FAM13B: variants seen among roughly 807,000 people sequenced by gnomAD.
The protein encoded by FAM13B is protein FAM13B.
In FAM13B, 60 loss-of-function variants were observed where a neutral mutation model predicts 117.3. The observed-to-expected ratio is 0.51, with a 90% CI of 0.42 to 0.63. The LOEUF (loss-of-function observed/expected upper bound fraction) is 0.63, where lower values mean the gene tolerates loss of function less well. FAM13B is among the 30% of genes least tolerant of loss of function. FAM13B has a pLI of 0.00. For missense variants in FAM13B, 972 were observed against 1,091.9 expected, an observed-to-expected ratio of 0.89 and a Z score of 1.55; for synonymous variants, 332 against 356.1, an observed-to-expected ratio of 0.93 and a Z score of 0.76.
intron 1 of FAM13B, among the ~76,000 whole-genome samples, chr5:138,025,307 A>C (rs201504770): frequency 1.2e-4 from 3 of 25,296 alleles, no homozygotes; most frequent in Non-Finnish European, 3.1e-4. Context: ...ATATATATAT[A>C]TATGTATTTT....
upstream of FAM13B, among the ~76,000 whole-genome samples, chr5:138,034,833 T>C (rs951479702): frequency 2.0e-5 from 3 of 151,884 alleles, no homozygotes; most frequent in Admixed American, 2.0e-4. Context: ...TTATCATAAG[T>C]GCGTAAAAGT....
intron 1 of FAM13B, among the ~76,000 whole-genome samples, chr5:138,043,113 A>G (rs1791544703): frequency 6.6e-6 from 1 of 152,100 alleles, no homozygotes; most frequent in African/African-American, 2.4e-5. Flanking sequence ...AACAACAACA[A>G]AAGAAGAAAT....
At chr5:137,988,225 T>C (rs2150601800) in intron 8 of FAM13B, 49 bp downstream of exon 8, 1 of 1,320,954 alleles carries the variant, frequency 7.6e-7, no homozygotes. Context: ...TACAGCTTAG[T>C]AGTATTTTAA....
chr5:138,007,806 G>A (rs1053101427), intron 6 of FAM13B, among the ~76,000 whole-genome samples: 4 of 152,164 alleles, frequency 2.6e-5, no homozygotes, highest in Non-Finnish European at 4.4e-5. Context: ...AAAAGATACT[G>A]AAATATTAGA....
At chr5:137,973,591 A>C (rs1268708390) in intron 10 of FAM13B, among the ~76,000 whole-genome samples, 1 of 152,254 alleles carries the variant, frequency 6.6e-6, no homozygotes, top group East Asian at 1.9e-4. Flanking sequence ...ACGGCAACAA[A>C]AGCCAAAATT....
At chr5:138,040,296 A>T (rs1160823814) in intron 1 of FAM13B, among the ~76,000 whole-genome samples, 1 of 140,250 alleles carries the variant, frequency 7.1e-6, no homozygotes, top group Non-Finnish European at 1.5e-5. Flanking sequence ...AAGGCCGGGC[A>T]CGGTGGCTCA....
chr5:137,964,980 A>G (rs1769251079), intron 10 of FAM13B, among the ~76,000 whole-genome samples: 1 of 152,054 alleles, frequency 6.6e-6, no homozygotes, highest in African/African-American at 2.4e-5. Context: ...CAGCCTGGCC[A>G]ACATGGTGAA....
intron 10 of FAM13B, among the ~76,000 whole-genome samples, chr5:137,975,089 G>T (rs1773526902): frequency 6.6e-6 from 1 of 152,106 alleles, no homozygotes; most frequent in Admixed American, 6.6e-5. Flanking sequence ...AATATTTACT[G>T]TGTAGACCTT....
chr5:137,987,025 C>G (rs1777407460), intron 9 of FAM13B, among the ~76,000 whole-genome samples: 1 of 152,120 alleles, frequency 6.6e-6, no homozygotes, highest in Non-Finnish European at 1.5e-5. Flanking sequence ...GAAGGGATAA[C>G]TATTTAAATA....
intron 23 of FAM13B, among the ~76,000 whole-genome samples, chr5:137,941,249 G>A (rs1170264412): frequency 1.3e-5 from 2 of 151,994 alleles, no homozygotes; most frequent in African/African-American, 4.8e-5. Context: ...AACCTATATA[G>A]GAGACTCACA....
At chr5:137,944,777 AAC>A (rs1561728594) in intron 20 of FAM13B, among the ~76,000 whole-genome samples, 3 of 150,772 alleles carry the variant, frequency 2.0e-5, no homozygotes, top group East Asian at 1.9e-4. Context: ...AAAAAAAAAA[AAC>A]AAAATCATGT....
At chr5:137,985,976 C>T (rs905820130) in intron 9 of FAM13B, among the ~76,000 whole-genome samples, 1 of 152,218 alleles carries the variant, frequency 6.6e-6, no homozygotes, top group African/African-American at 2.4e-5. Context: ...AATCTGCTTA[C>T]ATCCTTTGAA....
intron 10 of FAM13B, among the ~76,000 whole-genome samples, chr5:137,971,882 AAC>A (rs1401789373): frequency 6.6e-6 from 1 of 152,208 alleles, no homozygotes; most frequent in African/African-American, 2.4e-5. Context: ...TAAATTCTTC[AAC>A]ACATACACTC....
At position 137,939,744 on chromosome 5, in the gene FAM13B, A is replaced by G. The variant is rs1430701441; in HGVS notation, c.*481T>C. On this transcript the variant is annotated 3_prime_UTR_variant, in exon 24 of 24. Transcript: ENST00000689681. Reference sequence around the variant, plus strand: ...TGATTTTGGTTTTCTAGGAAAACAGAGAACACAGTTGCGTATGTGCACTTT... The same window carrying G: ...TGATTTTGGTTTTCTAGGAAAACAGGGAACACAGTTGCGTATGTGCACTTT... 3 of 552,672 alleles carry G rather than the reference A, an allele frequency of 5.4e-6. No homozygotes were observed. In the African/African-American group the frequency reaches 6.1e-5, roughly 11 times the overall value. 34.2% of individuals were successfully genotyped at this position (552,672 alleles called of 1,614,324 possible).
chr5:137,989,005 T>C (rs1777942721), intron 7 of FAM13B, among the ~76,000 whole-genome samples: 2 of 152,192 alleles, frequency 1.3e-5, no homozygotes, highest in African/African-American at 2.4e-5. Flanking sequence ...TATTAGCCAT[T>C]GATGAATACA....
chr5:138,011,275 C>A, intron 5 of FAM13B, 126 bp from the exon 6 acceptor site: 1 of 863,952 alleles, frequency 1.2e-6, no homozygotes, highest in Non-Finnish European at 1.8e-6. Context: ...TTCCATTCTC[C>A]CATCTGTAAA....
upstream of FAM13B, chr5:138,036,690 T>A (rs1561556701): frequency 2.5e-6 from 1 of 406,408 alleles, no homozygotes; most frequent in Non-Finnish European, 4.9e-6. Flanking sequence ...CTAAATCCTC[T>A]GAAATTTCTA....
intron 1 of FAM13B, among the ~76,000 whole-genome samples, chr5:138,026,009 A>T (rs77975300): frequency 0.014 from 2,134 of 152,304 alleles, 38 homozygotes; most frequent in African/African-American, 0.047. Flanking sequence ...AGGGGCTTTT[A>T]AAAAGGGGTA....
chr5:138,012,216 C>CTTTTTTTT (rs36054299), intron 4 of FAM13B, among the ~76,000 whole-genome samples: 6 of 121,730 alleles, frequency 4.9e-5, no homozygotes, highest in Admixed American at 9.5e-5. Context: ...CCCCAATTCT[C>CTTTTTTTT]TTTTTTTTTT....
Sources: allele counts gnomAD v4.1 joint callset (sites outside exome capture counted in the v4.1 genomes callset), GRCh38; gene constraint gnomAD v4.1.1; transcripts MANE v1.5; gene names NCBI Gene and HGNC (gene_info 2026-07-23, HGNC 2026-07-21).